Variants in SCG5 observed in about 807,000 individuals in gnomAD.
SCG5 encodes neuroendocrine protein 7B2.
Under a neutral mutation model 25.7 loss-of-function variants are expected in SCG5, and 18 were observed. The observed-to-expected ratio is 0.70, with a 90% CI of 0.48 to 1.04. The LOEUF is 1.04. Ranked by LOEUF, SCG5 falls within the 50% of genes least tolerant of loss-of-function variation. The probability of loss-of-function intolerance (pLI) is 0.00; values close to 1 mark genes in which losing one functional copy is unlikely to be tolerated. For missense variants in SCG5, 206 were observed against 259.8 expected (o/e 0.79, Z 1.42); for synonymous variants, 101 against 91.7 (o/e 1.10, Z -0.58).
intron 4 of SCG5, among the ~76,000 whole-genome samples, chr15:32,686,304 G>C (rs528380969): frequency 1.3e-5 from 2 of 152,236 alleles, no homozygotes; most frequent in South Asian, 4.2e-4. Flanking sequence ...AAGTTATTTT[G>C]ATGGCATATT....
chr15:32,683,464 A>G (rs1490760133), intron 3 of SCG5, among the ~76,000 whole-genome samples: 1 of 152,182 alleles, frequency 6.6e-6, no homozygotes, highest in African/African-American at 2.4e-5. Flanking sequence ...CATCTGAGAG[A>G]GATAGCCTTC....
At chr15:32,695,861 T>C (rs2054948657) in intron 5 of SCG5, among the ~76,000 whole-genome samples, 1 of 152,158 alleles carries the variant, frequency 6.6e-6, no homozygotes, top group African/African-American at 2.4e-5. Flanking sequence ...GTATCTAAAT[T>C]AGTAGCAAGG....
At chr15:32,668,841 C>T (rs2054367232) in intron 2 of SCG5, among the ~76,000 whole-genome samples, 1 of 152,234 alleles carries the variant, frequency 6.6e-6, no homozygotes, top group Admixed American at 6.5e-5. Context: ...TAAGCTCCTG[C>T]AGATCTCCTT....
chr15:32,643,535 C>A, intron 1 of SCG5, 51 bp from the exon 2 acceptor site: 1 of 1,377,512 alleles, frequency 7.3e-7, no homozygotes, highest in Non-Finnish European at 1.0e-6. Flanking sequence ...ATTGTATTAT[C>A]ACAATTGCCG....
chr15:32,673,588 A>G (rs2054480332), intron 2 of SCG5, among the ~76,000 whole-genome samples: 1 of 147,452 alleles, frequency 6.8e-6, no homozygotes, highest in South Asian at 2.1e-4. Context: ...TAAAATTAGA[A>G]GAGACTTGCA....
chr15:32,672,033 G>A (rs923947657), intron 2 of SCG5, among the ~76,000 whole-genome samples: 1 of 152,244 alleles, frequency 6.6e-6, no homozygotes, highest in Non-Finnish European at 1.5e-5. Context: ...CCATCCGACT[G>A]CTTCAGGCTC....
intron 4 of SCG5, 86 bp downstream of exon 4, chr15:32,684,755 G>A: frequency 1.3e-6 from 1 of 787,656 alleles, no homozygotes; most frequent in Non-Finnish European, 2.1e-6. Context: ...TGGGCAGAAG[G>A]AGAGAAGAAA....
At chr15:32,680,009 T>G (rs2054589505) in intron 3 of SCG5, 94 bp downstream of exon 3, 1 of 1,213,154 alleles carries the variant, frequency 8.2e-7, no homozygotes, top group South Asian at 1.4e-5. Context: ...CCAGAAATTG[T>G]TATTTCCATT....
chr15:32,669,928 A>G (rs2054391805), intron 2 of SCG5, among the ~76,000 whole-genome samples: 1 of 152,220 alleles, frequency 6.6e-6, no homozygotes, highest in South Asian at 2.1e-4. Context: ...TAAGCAAAAT[A>G]CCTTAAAAGT....
chr15:32,693,883 G>A (rs562814398), intron 5 of SCG5, among the ~76,000 whole-genome samples: 33 of 152,320 alleles, frequency 2.2e-4, no homozygotes, highest in African/African-American at 7.5e-4. Context: ...GCCGAGGAGG[G>A]TGGATCACCT....
chr15:32,649,869 G>A (rs1056821509), intron 2 of SCG5, among the ~76,000 whole-genome samples: 4 of 152,128 alleles, frequency 2.6e-5, no homozygotes, highest in African/African-American at 7.2e-5. Context: ...TGTAATCCTG[G>A]CAACTTTCTA....
At chr15:32,651,998 C>T (rs991991219) in intron 2 of SCG5, among the ~76,000 whole-genome samples, 19 of 151,896 alleles carry the variant, frequency 1.3e-4, no homozygotes, top group African/African-American at 4.4e-4. Flanking sequence ...CAACAGGGCA[C>T]CTAAGACAAA....
At chr15:32,650,715 C>T (rs2054019673) in intron 2 of SCG5, among the ~76,000 whole-genome samples, 1 of 152,158 alleles carries the variant, frequency 6.6e-6, no homozygotes, top group Non-Finnish European at 1.5e-5. Context: ...CTTTCGTTTT[C>T]AGAACATTAA....
At chr15:32,690,051 C>T (rs889548934) in intron 4 of SCG5, among the ~76,000 whole-genome samples, 2 of 152,088 alleles carry the variant, frequency 1.3e-5, no homozygotes, top group Non-Finnish European at 2.9e-5. Flanking sequence ...CCGTGTTAGC[C>T]GGGATGGTCT....
chr15:32,677,983 G>A (rs1257621101), intron 2 of SCG5, among the ~76,000 whole-genome samples: 2 of 152,206 alleles, frequency 1.3e-5, no homozygotes, highest in Non-Finnish European at 2.9e-5. Flanking sequence ...ATTTGGTAGA[G>A]ACATGAAACA....
intron 5 of SCG5, chr15:32,692,417 T>A (rs528439340): frequency 3.0e-4 from 76 of 249,794 alleles, no homozygotes; most frequent in African/African-American, 1.6e-3. Flanking sequence ...TCATATACAG[T>A]GTTGCCTCAC....
chr15:32,667,612 A>C (rs1008333962), intron 2 of SCG5, among the ~76,000 whole-genome samples: 3 of 152,036 alleles, frequency 2.0e-5, no homozygotes, highest in Non-Finnish European at 1.5e-5. Flanking sequence ...TTCTGGCTCC[A>C]GGTCTGGCAC....
chr15:32,663,509 CT>C (rs1191409808), intron 2 of SCG5, among the ~76,000 whole-genome samples: 2 of 152,128 alleles, frequency 1.3e-5, no homozygotes, highest in Non-Finnish European at 2.9e-5. Context: ...TCCAGATAGA[CT>C]TACTGTTTTA....
At chr15:32,679,388 G>A (rs573153964) in intron 2 of SCG5, among the ~76,000 whole-genome samples, 1 of 152,040 alleles carries the variant, frequency 6.6e-6, no homozygotes, top group South Asian at 2.1e-4. Context: ...TTTTAGTAGA[G>A]CCGGGGTTTC....
Sources: gnomAD v4.1 joint callset for allele counts (sites outside exome capture counted in the v4.1 genomes callset) on GRCh38, gnomAD v4.1.1 for gene constraint, MANE v1.5 for transcripts, NCBI Gene and HGNC (gene_info 2026-07-23, HGNC 2026-07-21) for gene names.